XKR4: variants seen among roughly 807,000 people sequenced by gnomAD.
The protein encoded by XKR4 is XK-related protein 4.
In XKR4, 12 loss-of-function variants were observed where a neutral mutation model predicts 53.9. The ratio of observed to expected loss-of-function variants is 0.22; its 90% CI spans 0.14 to 0.36. The LOEUF (loss-of-function observed/expected upper bound fraction) is 0.36. XKR4 is among the 10% of genes least tolerant of loss of function. The probability of loss-of-function intolerance (pLI) is 1.00; values close to 1 mark genes in which losing one functional copy is unlikely to be tolerated. For missense variants in XKR4, 799 were observed against 859.5 expected, an observed-to-expected ratio of 0.93 and a Z score of 0.88; for synonymous variants, 354 against 362.4, an observed-to-expected ratio of 0.98 and a Z score of 0.26.
At chr8:55,473,121 C>T (rs1358312340) in intron 2 of XKR4, among the ~76,000 whole-genome samples, 2 of 152,128 alleles carry the variant, frequency 1.3e-5, no homozygotes, top group African/African-American at 2.4e-5. Flanking sequence ...CTTGGCCTGC[C>T]TCATACACTT....
At chr8:55,411,408 A>G (rs1804776625) in intron 2 of XKR4, among the ~76,000 whole-genome samples, 1 of 152,210 alleles carries the variant, frequency 6.6e-6, no homozygotes, top group Non-Finnish European at 1.5e-5. Flanking sequence ...TTTTTAAAAA[A>G]TTATCATTGT....
At chr8:55,108,025 T>C (rs1816173646) in intron 1 of XKR4, among the ~76,000 whole-genome samples, 1 of 152,104 alleles carries the variant, frequency 6.6e-6, no homozygotes, top group Non-Finnish European at 1.5e-5. Flanking sequence ...ACCATCTCAA[T>C]AGAAGAAAAT....
chr8:55,205,830 T>G (rs1817640144), intron 1 of XKR4, among the ~76,000 whole-genome samples: 1 of 152,194 alleles, frequency 6.6e-6, no homozygotes, highest in Admixed American at 6.5e-5. Flanking sequence ...TCTCACTGAC[T>G]TCAAGAATGA....
intron 1 of XKR4, chr8:55,140,310 C>T (rs1342837485): frequency 4.6e-6 from 1 of 219,570 alleles, no homozygotes; most frequent in African/African-American, 2.3e-5. Context: ...TCATGGAAGT[C>T]TGTGAAAACT....
At chr8:55,483,988 C>T (rs904763015) in intron 2 of XKR4, among the ~76,000 whole-genome samples, 1 of 152,018 alleles carries the variant, frequency 6.6e-6, no homozygotes, top group Non-Finnish European at 1.5e-5. Flanking sequence ...ATATGCATAT[C>T]AGGAATGAAA....
At chr8:55,257,231 G>A (rs745741422) in intron 1 of XKR4, among the ~76,000 whole-genome samples, 3 of 152,092 alleles carry the variant, frequency 2.0e-5, no homozygotes, top group Non-Finnish European at 2.9e-5. Flanking sequence ...ATATTCTAAG[G>A]CTTCCTTAAG....
At chr8:55,168,337 A>C (rs537095940) in intron 1 of XKR4, among the ~76,000 whole-genome samples, 3 of 152,134 alleles carry the variant, frequency 2.0e-5, no homozygotes, top group Non-Finnish European at 4.4e-5. Context: ...GGATGTTTTA[A>C]GTTGGGGAGC....
chr8:55,256,095 G>T (rs1818436447), intron 1 of XKR4, among the ~76,000 whole-genome samples: 1 of 151,870 alleles, frequency 6.6e-6, no homozygotes, highest in African/African-American at 2.4e-5. Context: ...GGGAGCTGAA[G>T]GATGAGCTGA....
rs77165692 is a variant in XKR4, at chr8:55,511,385, G to A, written c.1007-11896G>A. On this transcript the variant is annotated intron_variant, in intron 2 of 2. Coordinates refer to ENST00000327381, the MANE Select transcript of XKR4 (RefSeq NM_052898.2). ...TCAAAAGCAGACAAAGGAAGTGTCCGTTGAGGTCCCAGGACCTCAGAAGGG... is the reference window on the plus strand; with the variant it reads ...TCAAAAGCAGACAAAGGAAGTGTCCATTGAGGTCCCAGGACCTCAGAAGGG... Among the ~76,000 whole-genome samples the A allele has an allele frequency of 8.5e-5, 13 of 152,318 alleles. 1 individual carries two copies. In the East Asian group the frequency reaches 2.5e-3, roughly 29 times the overall value.
chr8:55,417,370 C>T (rs1360007418), intron 2 of XKR4, among the ~76,000 whole-genome samples: 1 of 152,134 alleles, frequency 6.6e-6, no homozygotes, highest in Non-Finnish European at 1.5e-5. Flanking sequence ...TTGGTTAATT[C>T]GGTTCACACA....
chr8:55,330,969 T>A (rs1281813613), intron 1 of XKR4, among the ~76,000 whole-genome samples: 1 of 152,042 alleles, frequency 6.6e-6, no homozygotes, highest in East Asian at 1.9e-4. Context: ...TAATATAAAA[T>A]TTAATTTTAT....
intron 1 of XKR4, among the ~76,000 whole-genome samples, chr8:55,278,829 T>G (rs186833304): frequency 6.6e-6 from 1 of 152,324 alleles, no homozygotes; most frequent in Non-Finnish European, 1.5e-5. Flanking sequence ...ACAATTTAAT[T>G]GTGTAATGAA....
Position 55,198,276 on chromosome 8 carries a change from A to G in XKR4, c.806+94982A>G, listed in dbSNP as rs138578246. ...AGTAATGACTGGTTGTGACAATGAC[A>G]TCTACTCAACCTGGGTAACTTGTAG... On this transcript the variant is annotated intron_variant, in intron 1 of 2. Transcript: ENST00000327381. Among the ~76,000 whole-genome samples, 326 of 152,322 alleles carry G rather than the reference A, an allele frequency of 2.1e-3. 1 individual carries two copies. Among genetic ancestry groups the G allele is most frequent in the African/African-American group, 7.3e-3 (305 of 41,570 alleles).
intron 2 of XKR4, among the ~76,000 whole-genome samples, chr8:55,522,351 C>T (rs561248560): frequency 1.2e-4 from 18 of 152,216 alleles, no homozygotes; most frequent in South Asian, 2.1e-4. Context: ...AGACAGGGAA[C>T]GGACATGTCT....
chr8:55,219,578 T>G (rs1817853092), intron 1 of XKR4, among the ~76,000 whole-genome samples: 1 of 152,214 alleles, frequency 6.6e-6, no homozygotes. Flanking sequence ...TAATGAATGA[T>G]ATGCTCTCTT....
intron 1 of XKR4, among the ~76,000 whole-genome samples, chr8:55,176,761 T>A (rs1443602422): frequency 1.3e-5 from 2 of 152,028 alleles, no homozygotes; most frequent in East Asian, 3.9e-4. Flanking sequence ...AATAGCTAAT[T>A]TTTTTCTCAT....
At chr8:55,346,081 CTTTTTTT>C (rs796574998) in intron 1 of XKR4, among the ~76,000 whole-genome samples, 7 of 137,604 alleles carry the variant, frequency 5.1e-5, no homozygotes, top group Non-Finnish European at 9.6e-5. Context: ...TTTTCTTTTT[CTTTTTTT>C]TTTTTTTTCT....
intron 1 of XKR4, chr8:55,140,283 A>G (rs1009861226): frequency 1.8e-5 from 5 of 274,554 alleles, no homozygotes; most frequent in Non-Finnish European, 2.9e-5. Context: ...AAGTGTGACA[A>G]TTCAGGAATG....
intron 1 of XKR4, among the ~76,000 whole-genome samples, chr8:55,172,703 T>C (rs1181195366): frequency 6.6e-6 from 1 of 152,180 alleles, no homozygotes; most frequent in African/African-American, 2.4e-5. Context: ...TGTCTGTTCA[T>C]ACAGACAAAA....
Sources: gnomAD v4.1 joint callset for allele counts (sites outside exome capture counted in the v4.1 genomes callset) on GRCh38, gnomAD v4.1.1 for gene constraint, MANE v1.5 for transcripts, NCBI Gene and HGNC (gene_info 2026-07-23, HGNC 2026-07-21) for gene names.